The following CHSY3 variants were observed in gnomAD, a reference collection of about 807,000 sequenced individuals.
The protein encoded by CHSY3 is N-acetylgalactosaminyl-proteoglycan 3-beta-glucuronosyltransferase 3.
CHSY3 carries 35 observed loss-of-function variants against 67.2 expected under a neutral mutation model. The ratio of observed to expected loss-of-function variants is 0.52; its 90% confidence interval spans 0.40 to 0.69. The LOEUF (loss-of-function observed/expected upper bound fraction) is 0.69, where lower values mean the gene tolerates loss of function less well. Among genes scored for constraint, CHSY3 ranks in the 30% least tolerant of loss-of-function variants. The pLI is 0.00. For missense variants in CHSY3, 1,069 were observed against 1,138.5 expected (o/e 0.94, Z 0.88); for synonymous variants, 474 against 434.7 (o/e 1.09, Z -1.12).
chr5:130,008,085 A>G (rs899007283), intron 2 of CHSY3, among the ~76,000 whole-genome samples: 1 of 152,186 alleles, frequency 6.6e-6, no homozygotes, highest in Non-Finnish European at 1.5e-5. Context: ...CCAGTTTGCC[A>G]GCATTTGCAG....
At chr5:130,105,539 A>G (rs17514914) in intron 2 of CHSY3, among the ~76,000 whole-genome samples, 8,295 of 151,738 alleles carry the variant, frequency 0.055, 330 homozygotes, top group Non-Finnish European at 0.078. Context: ...ATTTAGCATA[A>G]CTTCATCATA....
chr5:130,045,904 G>A (rs6859097), intron 2 of CHSY3, among the ~76,000 whole-genome samples: 2,420 of 152,096 alleles, frequency 0.016, 52 homozygotes, highest in African/African-American at 0.054. Flanking sequence ...TAATGACAGG[G>A]CAAGGAGTAA....
chr5:130,136,941 TA>T (rs1441627385), intron 2 of CHSY3, among the ~76,000 whole-genome samples: 2 of 152,168 alleles, frequency 1.3e-5, no homozygotes, highest in Non-Finnish European at 2.9e-5. Flanking sequence ...TAATAAGACT[TA>T]AAAGGCCTCA....
At chr5:130,053,632 G>A (rs1320181035) in intron 2 of CHSY3, among the ~76,000 whole-genome samples, 1 of 152,120 alleles carries the variant, frequency 6.6e-6, no homozygotes, top group Non-Finnish European at 1.5e-5. Flanking sequence ...TCTTACAGTG[G>A]CTCCAGTGCT....
At chr5:129,907,492 TAAC>T (rs1212143786) in intron 1 of CHSY3, among the ~76,000 whole-genome samples, 1 of 152,210 alleles carries the variant, frequency 6.6e-6, no homozygotes, top group East Asian at 1.9e-4. Context: ...TTTCTGAACT[TAAC>T]AAACTGCAAG....
intron 2 of CHSY3, among the ~76,000 whole-genome samples, chr5:130,146,014 G>T (rs1769062971): frequency 6.6e-6 from 1 of 152,144 alleles, no homozygotes; most frequent in Non-Finnish European, 1.5e-5. Flanking sequence ...TTGTAAATTA[G>T]TATGTCTATT....
intron 2 of CHSY3, among the ~76,000 whole-genome samples, chr5:130,131,162 A>G (rs1055467834): frequency 6.6e-6 from 1 of 152,232 alleles, no homozygotes; most frequent in African/African-American, 2.4e-5. Context: ...GTTTCTTCAG[A>G]GTCTTCTCCA....
chr5:130,087,128 C>G (rs1192599319), intron 2 of CHSY3, among the ~76,000 whole-genome samples: 1 of 152,012 alleles, frequency 6.6e-6, no homozygotes, highest in Non-Finnish European at 1.5e-5. Context: ...ACATGATTAT[C>G]TCAATAGATG....
chr5:130,057,965 G>C (rs1405879375), intron 2 of CHSY3, among the ~76,000 whole-genome samples: 1 of 151,940 alleles, frequency 6.6e-6, no homozygotes, highest in Admixed American at 6.6e-5. Flanking sequence ...TTTCTTCTCA[G>C]ATGTATCTTT....
In CHSY3 at chr5:130,089,390, T is replaced by G. The variant is rs1046581654; in HGVS notation, c.1087-94839T>G. ...AGTATAATAATAATAAAATAAAAAT[T>G]AAAAATAAAAAAATTTAAAAAGTAA... On this transcript the variant is annotated intron_variant, in intron 2 of 2. Transcript: ENST00000305031. Among the ~76,000 whole-genome samples the G allele has an allele frequency of 2.6e-5, 4 of 151,648 alleles. No homozygotes were observed. The East Asian group carries it at 7.7e-4, about 29-fold the overall frequency.
chr5:130,017,223 G>A lies in CHSY3; in HGVS notation c.1086+108863G>A, dbSNP rs530384436. Reference sequence around the variant, plus strand: ...TTTGCATATTTTATATTCATGCTATGCAGGTGTGGAAGTTCGAGTGTATGG... The same window carrying A: ...TTTGCATATTTTATATTCATGCTATACAGGTGTGGAAGTTCGAGTGTATGG... On this transcript the variant is annotated intron_variant, in intron 2 of 2. Coordinates refer to ENST00000305031, the MANE Select transcript of CHSY3 (RefSeq NM_175856.5). Among the ~76,000 whole-genome samples, 92 of 150,698 alleles carry A rather than the reference G, an allele frequency of 6.1e-4. 1 individual carries two copies. Among genetic ancestry groups the A allele is most frequent in the African/African-American group, 2.2e-3 (91 of 41,142 alleles).
intron 2 of CHSY3, among the ~76,000 whole-genome samples, chr5:130,097,039 T>A (rs1767072153): frequency 6.6e-6 from 1 of 152,230 alleles, no homozygotes; most frequent in Non-Finnish European, 1.5e-5. Flanking sequence ...GCTCCCCTTG[T>A]GGGTACACAC....
intron 2 of CHSY3, among the ~76,000 whole-genome samples, chr5:129,928,498 C>T (rs1761189884): frequency 6.6e-6 from 1 of 151,938 alleles, no homozygotes; most frequent in Admixed American, 6.6e-5. Flanking sequence ...ATCATTTTAA[C>T]ACTTAAGGTA....
chr5:130,050,626 A>G (rs1765313446), intron 2 of CHSY3, among the ~76,000 whole-genome samples: 2 of 152,184 alleles, frequency 1.3e-5, no homozygotes, highest in Non-Finnish European at 2.9e-5. Flanking sequence ...GAAACATGAT[A>G]TAATGAAAAG....
intron 2 of CHSY3, among the ~76,000 whole-genome samples, chr5:130,178,253 A>ATATATATTTTT (rs1205782386): frequency 1.1e-4 from 5 of 45,912 alleles, no homozygotes; most frequent in African/African-American, 3.0e-4. Context: ...ATATATATAT[A>ATATATATTTTT]TTTTTTTTTT....
intron 2 of CHSY3, among the ~76,000 whole-genome samples, chr5:130,106,828 T>C (rs1319883614): frequency 6.6e-6 from 1 of 151,568 alleles, no homozygotes; most frequent in African/African-American, 2.4e-5. Flanking sequence ...AACATGGAAA[T>C]TAGGCCAGTT....
chr5:130,020,155 C>T (rs867785362), intron 2 of CHSY3, among the ~76,000 whole-genome samples: 1 of 152,030 alleles, frequency 6.6e-6, no homozygotes, highest in South Asian at 2.1e-4. Flanking sequence ...CAGTGGCTCA[C>T]GCCGGTAGTC....
In CHSY3 at chr5:129,905,677, C is replaced by G. The variant is rs776397086; in HGVS notation, c.802+46C>G. 5 of 1,598,420 alleles carry G rather than the reference C, an allele frequency of 3.1e-6. No individual in the cohort carries two copies. The South Asian group carries it at 5.6e-5, about 18-fold the overall frequency. On this transcript the variant is annotated intron_variant, in intron 1 of 2. Coordinates refer to ENST00000305031, the MANE Select transcript of CHSY3 (RefSeq NM_175856.5). ...TTCCAGCCTGCCAGTCTCCCCGACT[C>G]CTTTCTCTGTAACCGGTCCTAGCCC...
chr5:130,013,589 G>A (rs1354010103), intron 2 of CHSY3, among the ~76,000 whole-genome samples: 3 of 152,150 alleles, frequency 2.0e-5, no homozygotes, highest in African/African-American at 7.2e-5. Flanking sequence ...CTGAAACAAT[G>A]GCCCCAGCTG....
Sources: gnomAD v4.1 joint callset for allele counts (sites outside exome capture counted in the v4.1 genomes callset) on GRCh38, gnomAD v4.1.1 for gene constraint, MANE v1.5 for transcripts, NCBI Gene and HGNC (gene_info 2026-07-23, HGNC 2026-07-21) for gene names.